Variants in CERS6 observed in about 807,000 individuals in gnomAD.
CERS6 encodes the protein ceramide synthase 6.
In CERS6, 26 loss-of-function variants were observed where a neutral mutation model predicts 56.8. That is an observed-to-expected ratio of 0.46 (90% CI 0.34 to 0.63). The LOEUF (loss-of-function observed/expected upper bound fraction) is 0.63. Among genes scored for constraint, CERS6 ranks in the 30% least tolerant of loss-of-function variants. The pLI, the probability that CERS6 is intolerant of heterozygous loss-of-function variation, is 0.01. For synonymous variants in CERS6, 164 were observed against 173.3 expected, an observed-to-expected ratio of 0.95 and a Z score of 0.42; for missense variants, 415 against 467.5, an observed-to-expected ratio of 0.89 and a Z score of 1.04.
intron 1 of CERS6, among the ~76,000 whole-genome samples, chr2:168,471,094 A>G (rs369930251): frequency 6.6e-6 from 1 of 152,218 alleles, no homozygotes; most frequent in African/African-American, 2.4e-5. Context: ...GGCAGAAGGC[A>G]AGTAAACCAA....
intron 4 of CERS6, among the ~76,000 whole-genome samples, chr2:168,641,154 G>T (rs955479799): frequency 6.6e-6 from 1 of 152,114 alleles, no homozygotes; most frequent in African/African-American, 2.4e-5. Context: ...CAGACGACAT[G>T]ATTGCTCAGA....
At chr2:168,616,511 C>G (rs569895772) in intron 3 of CERS6, among the ~76,000 whole-genome samples, 3 of 152,256 alleles carry the variant, frequency 2.0e-5, no homozygotes, top group African/African-American at 7.2e-5. Flanking sequence ...CATAAGGACT[C>G]ACATAAACTT....
chr2:168,608,809 C>T (rs1487984497), intron 3 of CERS6, among the ~76,000 whole-genome samples: 2 of 151,998 alleles, frequency 1.3e-5, no homozygotes, highest in South Asian at 2.1e-4. Context: ...CTATGGCTTG[C>T]CTTTTATTTA....
At chr2:168,767,746 T>G (rs1424650160) in intron 9 of CERS6, among the ~76,000 whole-genome samples, 1 of 152,198 alleles carries the variant, frequency 6.6e-6, no homozygotes, top group Non-Finnish European at 1.5e-5. Context: ...GAGTCCAGGA[T>G]TCTCATGTTA....
intron 1 of CERS6, among the ~76,000 whole-genome samples, chr2:168,472,603 G>A (rs992831908): frequency 2.0e-5 from 3 of 152,148 alleles, no homozygotes; most frequent in African/African-American, 7.2e-5. Flanking sequence ...AAAGGAATGG[G>A]AAGAGGATGT....
chr2:168,496,004 A>G (rs1694460675), intron 1 of CERS6, among the ~76,000 whole-genome samples: 1 of 152,208 alleles, frequency 6.6e-6, no homozygotes, highest in Admixed American at 6.5e-5. Flanking sequence ...TTACAAGCAC[A>G]TGCACACATG....
In CERS6 at chr2:168,456,863, C is replaced by T. The variant is rs965169170; in HGVS notation, c.170+245C>T. 2.0e-5 allele frequency among the ~76,000 whole-genome samples: 3 copies of T among 152,222 alleles called. No homozygotes were observed. The highest frequency in any genetic ancestry group is 7.2e-5 in the African/African-American group (3 of 41,470). ...GGAGCCGCGGAGCGTTAGGGTCGCCCCCTGCCCTCCTCCTGGGCCCTGCTC... is the reference window on the plus strand; with the variant it reads ...GGAGCCGCGGAGCGTTAGGGTCGCCTCCTGCCCTCCTCCTGGGCCCTGCTC... On this transcript the variant is annotated intron_variant, in intron 1 of 9. Transcript: ENST00000305747. This position sits in a 1 kb window ranked among gnomAD's most constrained non-coding sequence, Gnocchi z 4.1.
In CERS6 at chr2:168,558,523, G is replaced by T. The variant is rs374872128; in HGVS notation, c.277-2669G>T. On this transcript the variant is annotated intron_variant, in intron 2 of 9. Transcript: ENST00000305747. ...TATGCAACTATTTTTGTGACAAGGG[G>T]TGATATAATAATATATATTCAAGTT... 4.6e-5 allele frequency among the ~76,000 whole-genome samples: 7 copies of T among 152,316 alleles called. No homozygotes were observed. In the East Asian group the frequency reaches 9.6e-4, roughly 21 times the overall value.
chr2:168,629,909 G>A (rs879867281), intron 3 of CERS6, among the ~76,000 whole-genome samples: 4 of 151,254 alleles, frequency 2.6e-5, no homozygotes, highest in South Asian at 2.1e-4. Context: ...TCCACCTCCC[G>A]GGTTCACGCC....
chr2:168,606,376 T>C (rs2105268057), intron 3 of CERS6: 1 of 152,364 alleles, frequency 6.6e-6, no homozygotes, highest in East Asian at 1.9e-4. Context: ...AACTTGTTTT[T>C]GTTGTTGTTG....
At chr2:168,561,459 C>T (rs1695789327) in intron 3 of CERS6, 137 bp downstream of exon 3, 1 of 869,600 alleles carries the variant, frequency 1.1e-6, no homozygotes, top group Non-Finnish European at 1.7e-6. Context: ...TCAGGAAAAA[C>T]ACAGGAAACA....
Position 168,743,244 on chromosome 2 carries a change from GTATA to G in CERS6, c.846-22339_846-22336del, listed in dbSNP as rs66764205. ...TGTGTGTATATATATATGTGTGTGTGTATATATATATACACGTATGTATGTATAC... is the reference window on the plus strand; with the variant it reads ...TGTGTGTATATATATATGTGTGTGTGTATATATACACGTATGTATGTATAC... On this transcript the variant is annotated intron_variant, in intron 8 of 9. Transcript: ENST00000305747. 1.3e-4 allele frequency among the ~76,000 whole-genome samples: 19 copies of G among 151,044 alleles called. 1 individual carries two copies. Among genetic ancestry groups the G allele is most frequent in the Admixed American group, 4.6e-4 (7 of 15,152 alleles).
chr2:168,675,348 G>A (rs1156545351), intron 4 of CERS6, among the ~76,000 whole-genome samples: 2 of 152,072 alleles, frequency 1.3e-5, no homozygotes, highest in African/African-American at 2.4e-5. Flanking sequence ...ACTTTGGGAG[G>A]CCGAGGCAGT....
chr2:168,510,655 A>G (rs79731311), intron 1 of CERS6, among the ~76,000 whole-genome samples: 3,574 of 152,312 alleles, frequency 0.023, 65 homozygotes, highest in Non-Finnish European at 0.037. Flanking sequence ...ACCAAGAGCT[A>G]TGATTACATT....
chr2:168,630,516 A>G (rs958313282), intron 3 of CERS6, among the ~76,000 whole-genome samples: 2 of 152,156 alleles, frequency 1.3e-5, no homozygotes, highest in Admixed American at 6.5e-5. Context: ...AGCAACATCC[A>G]CAAAGATGTT....
chr2:168,661,192 G>A lies in CERS6; in HGVS notation c.466-29842G>A, dbSNP rs1453004988. On this transcript the variant is annotated intron_variant, in intron 4 of 9. Transcript: ENST00000305747. ...AAAAGAGAAGCCAAACGAAATCCAAGTATAGTTGTATCCTAAGAATGAACA... is the reference window on the plus strand; with the variant it reads ...AAAAGAGAAGCCAAACGAAATCCAAATATAGTTGTATCCTAAGAATGAACA... Among the ~76,000 whole-genome samples, 3 of 152,232 alleles carry A rather than the reference G, an allele frequency of 2.0e-5. No individual in the cohort carries two copies. In the East Asian group the frequency reaches 5.8e-4, roughly 29 times the overall value.
At chr2:168,725,739 A>G (rs1574194991) in intron 8 of CERS6, among the ~76,000 whole-genome samples, 1 of 152,258 alleles carries the variant, frequency 6.6e-6, no homozygotes, top group African/African-American at 2.4e-5. Flanking sequence ...ATCAAACGCA[A>G]TCACTGGTGC....
intron 8 of CERS6, among the ~76,000 whole-genome samples, chr2:168,756,499 G>A (rs572659638): frequency 6.6e-6 from 1 of 152,322 alleles, no homozygotes; most frequent in South Asian, 2.1e-4. Context: ...TAAGGGTCAA[G>A]TGGGGTGGGC....
intron 4 of CERS6, among the ~76,000 whole-genome samples, chr2:168,645,168 G>GAGAGAGAA (rs1685162783): frequency 1.6e-5 from 2 of 125,270 alleles, no homozygotes; most frequent in Admixed American, 8.3e-5. Context: ...GAGAGAGAGA[G>GAGAGAGAA]AGAGAGAGAG....
Sources: gnomAD v4.1 joint callset for allele counts (sites outside exome capture counted in the v4.1 genomes callset) on GRCh38, gnomAD v4.1.1 for gene constraint, Gnocchi (gnomAD v3.1) non-coding constraint, MANE v1.5 for transcripts, NCBI Gene and HGNC (gene_info 2026-07-23, HGNC 2026-07-21) for gene names.